Variants in SEZ6 observed in about 807,000 individuals in gnomAD.
SEZ6 encodes the protein seizure related 6 homolog.
A neutral mutation model predicts 101.0 loss-of-function variants in SEZ6; 53 were observed. That is an observed-to-expected ratio of 0.52 (90% CI 0.42 to 0.66). The LOEUF (loss-of-function observed/expected upper bound fraction) is 0.66, where lower values mean the gene tolerates loss of function less well. Ranked by LOEUF, SEZ6 falls within the 30% of genes least tolerant of loss-of-function variation. The probability of loss-of-function intolerance (pLI) is 0.00; values close to 1 mark genes in which losing one functional copy is unlikely to be tolerated. For missense variants in SEZ6, 1,102 were observed against 1,289.4 expected (o/e 0.85, Z 2.23); for synonymous variants, 488 against 512.2 (o/e 0.95, Z 0.64).
At chr17:28,960,333 C>G in intron 7 of SEZ6, 172 bp downstream of exon 7, 1 of 853,382 alleles carries the variant, frequency 1.2e-6, no homozygotes, top group Non-Finnish European at 1.8e-6. Context: ...GTAGGGATCC[C>G]GGACCCAAAG....
chr17:28,961,839 A>G (rs1361248390), intron 5 of SEZ6, among the ~76,000 whole-genome samples: 1 of 152,206 alleles, frequency 6.6e-6, no homozygotes, highest in Non-Finnish European at 1.5e-5. Context: ...CTCAGAGACC[A>G]GGCTGCCATG....
chr17:28,990,930 C>A lies in SEZ6; in HGVS notation c.56-8891G>T, dbSNP rs1034103546. On this transcript the variant is annotated intron_variant, in intron 1 of 16. Transcript: ENST00000317338. ...TTATTAAAAAAAATTTTTTTTGAGA[C>A]AGTCTCACTCTGTCACTCAGGCTGG... 2.0e-5 allele frequency among the ~76,000 whole-genome samples: 3 copies of A among 151,948 alleles called. No individual in the cohort carries two copies. In the East Asian group the frequency reaches 5.8e-4, roughly 29 times the overall value.
intron 3 of SEZ6, among the ~76,000 whole-genome samples, chr17:28,977,172 T>C (rs745368011): frequency 6.6e-6 from 1 of 152,182 alleles, no homozygotes; most frequent in Non-Finnish European, 1.5e-5. Flanking sequence ...GTGGGTATTG[T>C]TGGGTAGTGT....
In SEZ6 at chr17:28,964,044, G is replaced by A. The variant is rs61999359; in HGVS notation, c.1158C>T (p.Gly386=). 1.2e-6 allele frequency: 2 copies of A among 1,610,884 alleles called. No homozygotes were observed. ...GATGCCTGGCGCCCTTCAGCTGGTAGCCAGTGGCACAATGGAAGCGGGCAC... is the reference window on the plus strand; with the variant it reads ...GATGCCTGGCGCCCTTCAGCTGGTAACCAGTGGCACAATGGAAGCGGGCAC... ...GGSARFHCAT[G]YQLKGARHLT... The change falls in exon 5 of 17, where the codon GGC becomes GGT. Residue 386 remains glycine (G), a synonymous_variant. Coordinates refer to ENST00000317338, the MANE Select transcript of SEZ6 (RefSeq NM_178860.5).
At chr17:28,982,115 G>A (rs1441645049) in intron 1 of SEZ6, 76 bp from the exon 2 acceptor site, 12 of 1,474,312 alleles carry the variant, frequency 8.1e-6, no homozygotes, top group Non-Finnish European at 1.1e-5. Context: ...GAGTAGTGGG[G>A]GGGCCCGCTC....
chr17:28,959,310 C>T lies in SEZ6; in HGVS notation c.1910+24G>A, dbSNP rs369283508. On this transcript the variant is annotated intron_variant, in intron 9 of 16. Coordinates refer to ENST00000317338, the MANE Select transcript of SEZ6 (RefSeq NM_178860.5). The surrounding 1 kb of genome is among the most constrained non-coding windows in gnomAD (Gnocchi z 4.4). ...TATCCCCAGACCTCAGGAGTTGGCTCGGCCTGACCCGGTAGGCACTCACAC... is the reference window on the plus strand; with the variant it reads ...TATCCCCAGACCTCAGGAGTTGGCTTGGCCTGACCCGGTAGGCACTCACAC... 2.0e-4 allele frequency: 316 copies of T among 1,613,912 alleles called. No homozygotes were observed. The highest frequency in any genetic ancestry group is 2.4e-4 in the Non-Finnish European group (279 of 1,179,872).
At chr17:29,004,786 C>G (rs1014069791) in intron 1 of SEZ6, among the ~76,000 whole-genome samples, 3 of 152,178 alleles carry the variant, frequency 2.0e-5, no homozygotes, top group Non-Finnish European at 2.9e-5. Context: ...GACGTGGGTG[C>G]CAGTAGCTTC....
At chr17:28,994,310 C>T (rs966058873) in intron 1 of SEZ6, among the ~76,000 whole-genome samples, 12 of 151,878 alleles carry the variant, frequency 7.9e-5, no homozygotes, top group Non-Finnish European at 1.3e-4. Context: ...GAGTCTCACT[C>T]TGTCACCCAG....
chr17:29,003,234 TC>T (rs1189517560), intron 1 of SEZ6, among the ~76,000 whole-genome samples: 1 of 152,202 alleles, frequency 6.6e-6, no homozygotes, highest in East Asian at 1.9e-4. Flanking sequence ...CACCGCTTTT[TC>T]CTCCACTGTG....
At chr17:28,985,876 C>T (rs893587596) in intron 1 of SEZ6, among the ~76,000 whole-genome samples, 5 of 152,368 alleles carry the variant, frequency 3.3e-5, no homozygotes, top group Admixed American at 1.3e-4. Context: ...AAGATCGTCC[C>T]CGTGATCCCC....
chr17:28,970,690 C>T (rs2041139210), intron 3 of SEZ6, among the ~76,000 whole-genome samples: 1 of 152,236 alleles, frequency 6.6e-6, no homozygotes, highest in African/African-American at 2.4e-5. Context: ...GCTTAACCCA[C>T]TCCTCCCTCT....
At position 28,992,563 on chromosome 17, in the gene SEZ6, T is replaced by C. The variant is rs781742226; in HGVS notation, c.56-10524A>G. On this transcript the variant is annotated intron_variant, in intron 1 of 16. Transcript: ENST00000317338. Reference sequence around the variant, plus strand: ...GCCCTACCCCCCAAAAGAAGGGATATATTTCTCTCCAAGCTGGCTGTTGTG... The same window carrying C: ...GCCCTACCCCCCAAAAGAAGGGATACATTTCTCTCCAAGCTGGCTGTTGTG... Among the ~76,000 whole-genome samples the C allele has an allele frequency of 1.1e-3, 167 of 152,290 alleles. 2 individuals are homozygous for C. Among genetic ancestry groups the C allele is most frequent in the Admixed American group, 1.2e-3 (18 of 15,306 alleles).
At chr17:28,969,479 T>A (rs2041118716) in intron 4 of SEZ6, among the ~76,000 whole-genome samples, 1 of 152,172 alleles carries the variant, frequency 6.6e-6, no homozygotes, top group African/African-American at 2.4e-5. Context: ...GTTTGCTGAA[T>A]GAATGAATGA....
chr17:28,979,934 C>A, intron 2 of SEZ6, 121 bp from the exon 3 acceptor site: 1 of 1,106,596 alleles, frequency 9.0e-7, no homozygotes, highest in Non-Finnish European at 1.2e-6. Context: ...TGGTGAAGAC[C>A]ACCTCTTGTG....
chr17:28,984,373 C>T (rs1010312031), intron 1 of SEZ6, among the ~76,000 whole-genome samples: 1 of 152,214 alleles, frequency 6.6e-6, no homozygotes. Context: ...CCCCTGGATC[C>T]GGGCATTGTT....
chr17:28,956,921 CTG>C, intron 13 of SEZ6, 122 bp downstream of exon 13: 1 of 1,353,086 alleles, frequency 7.4e-7, no homozygotes, highest in Non-Finnish European at 1.0e-6. Flanking sequence ...CTGGCAGAGA[CTG>C]GGGAGACCAA....
intron 1 of SEZ6, among the ~76,000 whole-genome samples, chr17:28,996,068 T>C (rs2041533278): frequency 6.6e-6 from 1 of 150,992 alleles, no homozygotes; most frequent in South Asian, 2.1e-4. Context: ...TGGCGAGATC[T>C]CGGCTCACTG....
Position 29,005,149 on chromosome 17 carries a change from C to A in SEZ6, c.55+666G>T, listed in dbSNP as rs1377840771. 3.3e-5 allele frequency among the ~76,000 whole-genome samples: 5 copies of A among 151,788 alleles called. No individual in the cohort carries two copies. Among genetic ancestry groups the A allele is most frequent in the Non-Finnish European group, 7.4e-5 (5 of 67,944 alleles). ...GAAAGGACTTTGGGGAGGACAGAGTCTCTATCCCAGGATCTCCGCTGCTGC... is the reference window on the plus strand; with the variant it reads ...GAAAGGACTTTGGGGAGGACAGAGTATCTATCCCAGGATCTCCGCTGCTGC... On this transcript the variant is annotated intron_variant, in intron 1 of 16. Coordinates refer to ENST00000317338, the MANE Select transcript of SEZ6 (RefSeq NM_178860.5). This position sits in a 1 kb window ranked among gnomAD's most constrained non-coding sequence, Gnocchi z 4.8.
chr17:28,975,933 G>C (rs2041214573), intron 3 of SEZ6, among the ~76,000 whole-genome samples: 1 of 152,246 alleles, frequency 6.6e-6, no homozygotes, highest in African/African-American at 2.4e-5. Flanking sequence ...GCAGGCGCCA[G>C]GCCCGGAAAG....
Sources: gnomAD v4.1 joint callset for allele counts (sites outside exome capture counted in the v4.1 genomes callset) on GRCh38, gnomAD v4.1.1 for gene constraint, Gnocchi (gnomAD v3.1) non-coding constraint, MANE v1.5 for transcripts, NCBI Gene and HGNC (gene_info 2026-07-23, HGNC 2026-07-21) for gene names.